FTO: variants seen among roughly 807,000 people sequenced by gnomAD.
FTO encodes FTO alpha-ketoglutarate dependent dioxygenase.
Under a neutral mutation model 63.9 loss-of-function variants are expected in FTO, and 47 were observed. That is an observed-to-expected ratio of 0.74 (90% confidence interval 0.58 to 0.94). The LOEUF is 0.94. Ranked by LOEUF, FTO falls within the 40% of genes least tolerant of loss-of-function variation. FTO has a pLI of 0.00. For missense variants in FTO, 562 were observed against 618.1 expected (o/e 0.91, Z 0.96); for synonymous variants, 207 against 224.4 (o/e 0.92, Z 0.69).
chr16:54,072,960 T>C (rs145242152), intron 8 of FTO, among the ~76,000 whole-genome samples: 1 of 152,318 alleles, frequency 6.6e-6, no homozygotes, highest in African/African-American at 2.4e-5. Context: ...TTCCTTAACA[T>C]TGACAGTTAC....
At chr16:53,871,653 A>T (rs2080497234) in intron 4 of FTO, among the ~76,000 whole-genome samples, 1 of 151,424 alleles carries the variant, frequency 6.6e-6, no homozygotes, top group South Asian at 2.1e-4. Flanking sequence ...TGGGTGCCTG[A>T]TTTTGTTATA....
chr16:53,891,272 G>A (rs921282928), intron 7 of FTO, among the ~76,000 whole-genome samples: 2 of 151,776 alleles, frequency 1.3e-5, no homozygotes, highest in East Asian at 1.9e-4. Flanking sequence ...GATTACAGGC[G>A]TGAACCACCA....
At chr16:53,882,430 C>A (rs551759784) in intron 6 of FTO, among the ~76,000 whole-genome samples, 1 of 151,660 alleles carries the variant, frequency 6.6e-6, no homozygotes, top group Non-Finnish European at 1.5e-5. Context: ...GAGAGCCTCC[C>A]TGTTGAAAAG....
chr16:54,078,897 T>A (rs1032406843), intron 8 of FTO, among the ~76,000 whole-genome samples: 35 of 152,146 alleles, frequency 2.3e-4, no homozygotes, highest in African/African-American at 7.2e-4. Flanking sequence ...TTTAAAAATT[T>A]AAAAAAATCT....
intron 8 of FTO, chr16:53,981,639 G>T (rs1334687009): frequency 6.6e-6 from 1 of 152,204 alleles, no homozygotes; most frequent in Non-Finnish European, 1.5e-5. Flanking sequence ...TCCGGGTGCG[G>T]TGGCTCACAC....
chr16:54,080,405 C>G (rs1162916602), intron 8 of FTO, among the ~76,000 whole-genome samples: 1 of 152,166 alleles, frequency 6.6e-6, no homozygotes, highest in African/African-American at 2.4e-5. Context: ...TTCACGATCT[C>G]GTTGAGTCCT....
chr16:54,109,142 T>C (rs527760078), intron 8 of FTO, among the ~76,000 whole-genome samples: 3 of 152,252 alleles, frequency 2.0e-5, no homozygotes, highest in Admixed American at 6.5e-5. Flanking sequence ...CATTTGGAAA[T>C]TGGCAAGGAA....
intron 4 of FTO, among the ~76,000 whole-genome samples, chr16:53,866,992 G>A (rs1476870459): frequency 1.3e-5 from 2 of 152,066 alleles, no homozygotes; most frequent in Non-Finnish European, 2.9e-5. Flanking sequence ...TAAGCAGAAT[G>A]CTATATTAAT....
chr16:53,774,796 A>T (rs949483890), intron 1 of FTO, among the ~76,000 whole-genome samples: 14 of 152,130 alleles, frequency 9.2e-5, no homozygotes, highest in Admixed American at 5.9e-4. Context: ...AGGGCTAAGA[A>T]TCAGGAGTCA....
chr16:53,826,518 C>T (rs1468513329), intron 3 of FTO, 27 bp downstream of exon 3: 5 of 1,610,206 alleles, frequency 3.1e-6, no homozygotes, highest in Admixed American at 1.7e-5. Flanking sequence ...GAAAAAGCAG[C>T]CCTGTATGTA....
chr16:54,085,491 C>T (rs952581987), intron 8 of FTO, among the ~76,000 whole-genome samples: 15 of 152,176 alleles, frequency 9.9e-5, no homozygotes, highest in African/African-American at 3.6e-4. Flanking sequence ...ACATGCCCTC[C>T]ATGGCCAAAA....
At chr16:54,030,956 A>AT (rs2144213095) in intron 8 of FTO, among the ~76,000 whole-genome samples, 1 of 152,344 alleles carries the variant, frequency 6.6e-6, no homozygotes, top group African/African-American at 2.4e-5. Context: ...AAACTGAAGT[A>AT]TTATTCCATA....
chr16:53,768,934 C>G (rs2077271294), intron 1 of FTO, among the ~76,000 whole-genome samples: 1 of 152,140 alleles, frequency 6.6e-6, no homozygotes, highest in Non-Finnish European at 1.5e-5. Context: ...TAATTTAACC[C>G]ACAATGAAGT....
chr16:54,091,592 G>T (rs1009324801), intron 8 of FTO, among the ~76,000 whole-genome samples: 1 of 152,210 alleles, frequency 6.6e-6, no homozygotes, highest in East Asian at 1.9e-4. Flanking sequence ...TAGAGATACA[G>T]AAGGTAACTA....
intron 8 of FTO, among the ~76,000 whole-genome samples, chr16:54,018,448 A>T (rs1174175778): frequency 2.2e-5 from 3 of 136,272 alleles, no homozygotes; most frequent in South Asian, 2.5e-4. Flanking sequence ...ATACATACAT[A>T]CATTCATTCA....
intron 8 of FTO, among the ~76,000 whole-genome samples, chr16:54,020,754 T>C (rs1259479001): frequency 6.6e-6 from 1 of 152,160 alleles, no homozygotes; most frequent in African/African-American, 2.4e-5. Context: ...GGCGGATTAC[T>C]TGAGGTCAGG....
chr16:54,087,256 T>C (rs1438869848), intron 8 of FTO, among the ~76,000 whole-genome samples: 1 of 152,248 alleles, frequency 6.6e-6, no homozygotes, highest in African/African-American at 2.4e-5. Context: ...CTGTTTCCAC[T>C]TTGCATCTTT....
chr16:53,742,353 G>C (rs2076547814), intron 1 of FTO, among the ~76,000 whole-genome samples: 1 of 152,170 alleles, frequency 6.6e-6, no homozygotes, highest in Admixed American at 6.5e-5. Context: ...CTGCAAGAAA[G>C]TCTGGGAAGG....
In FTO at chr16:53,879,877, C is replaced by T. The variant is rs368490949; in HGVS notation, c.1009C>T (p.Arg337Cys). Residue 337 changes from arginine to cysteine, a missense_variant, in exon 6 of 9, where the codon CGC (arginine) becomes TGC (cysteine). Physicochemically the swap from Arg to Cys is radical, Grantham distance 180. Transcript: ENST00000471389. ...AGGAACCTTGGATTATATTTTACAACGCTGTCAGTTGGCTCTGCAGAATGT... is the reference window on the plus strand; with the variant it reads ...AGGAACCTTGGATTATATTTTACAATGCTGTCAGTTGGCTCTGCAGAATGT... ...STGTLDYILQ[R>C]CQLALQNVCD... The T allele has an allele frequency of 9.3e-6, 15 of 1,613,680 alleles. No individual in the cohort carries two copies. The highest frequency in any genetic ancestry group is 4.5e-5 in the East Asian group (2 of 44,876).
Sources: allele counts gnomAD v4.1 joint callset (sites outside exome capture counted in the v4.1 genomes callset), GRCh38; gene constraint gnomAD v4.1.1; transcripts MANE v1.5; gene names NCBI Gene and HGNC (gene_info 2026-07-23, HGNC 2026-07-21).